Variants in PCDH15 observed in about 807,000 individuals in gnomAD.
The protein encoded by PCDH15 is protocadherin-15.
A neutral mutation model predicts 178.5 loss-of-function variants in PCDH15; 129 were observed. That is an observed-to-expected ratio of 0.72 (90% CI 0.63 to 0.84). The LOEUF (loss-of-function observed/expected upper bound fraction) is 0.84, where lower values mean the gene tolerates loss of function less well. Among genes scored for constraint, PCDH15 ranks in the 40% least tolerant of loss-of-function variants. The pLI is 0.00. For missense variants in PCDH15, 2,230 were observed against 2,099.9 expected (o/e 1.06, Z -1.21); for synonymous variants, 800 against 732.0 (o/e 1.09, Z -1.50).
intron 2 of PCDH15, among the ~76,000 whole-genome samples, chr10:54,652,928 A>C (rs2094294518): frequency 6.6e-6 from 1 of 152,208 alleles, no homozygotes; most frequent in African/African-American, 2.4e-5. Flanking sequence ...AATCTGCCTA[A>C]TCTCTGCCAC....
chr10:54,135,099 T>G (rs987560557), intron 14 of PCDH15, among the ~76,000 whole-genome samples: 1 of 151,348 alleles, frequency 6.6e-6, no homozygotes, highest in African/African-American at 2.4e-5. Flanking sequence ...CTCAGGAGTC[T>G]GAGGCAGAAG....
chr10:54,242,456 A>G (rs2055509075), intron 8 of PCDH15, among the ~76,000 whole-genome samples: 2 of 151,852 alleles, frequency 1.3e-5, no homozygotes, highest in Middle Eastern at 3.4e-3. Context: ...TATCATCCCT[A>G]ATGTTAAATG....
At position 55,602,616 on chromosome 10, in the gene PCDH15, C is replaced by A. The variant is rs562860433; in HGVS notation, c.-156+25009G>T. Among the ~76,000 whole-genome samples the A allele has an allele frequency of 4.7e-3, 708 of 152,248 alleles. 6 individuals carry two copies. The highest frequency in any genetic ancestry group is 0.016 in the African/African-American group (672 of 41,564). ...AGCAGCCTAACTGGGAGGCACCCCC[C>A]AGCAGGGGCACACTGACACCTCACA... On this transcript the variant is annotated intron_variant, in intron 2 of 5. Transcript: ENST00000613346.
chr10:53,934,994 C>T (rs1444882340), intron 25 of PCDH15, among the ~76,000 whole-genome samples: 1 of 149,650 alleles, frequency 6.7e-6, no homozygotes, highest in Non-Finnish European at 1.5e-5. Flanking sequence ...AACAGTTATA[C>T]TACATATATA....
intron 9 of PCDH15, among the ~76,000 whole-genome samples, chr10:54,228,217 T>C (rs1334183946): frequency 1.3e-5 from 2 of 152,166 alleles, no homozygotes; most frequent in Non-Finnish European, 2.9e-5. Context: ...AAAGGTTTAA[T>C]TGGACTTACA....
chr10:54,543,163 C>G (rs926582869), intron 2 of PCDH15, among the ~76,000 whole-genome samples: 2 of 152,150 alleles, frequency 1.3e-5, no homozygotes, highest in East Asian at 1.9e-4. Flanking sequence ...TCTGGCTCCC[C>G]CATTGGCTGA....
intron 2 of PCDH15, among the ~76,000 whole-genome samples, chr10:54,653,228 A>C (rs1444296880): frequency 6.6e-6 from 1 of 152,206 alleles, no homozygotes; most frequent in Non-Finnish European, 1.5e-5. Context: ...TGATGAAAAC[A>C]GCTAACAGAG....
intron 25 of PCDH15, chr10:53,905,099 T>C (rs1276764374): frequency 2.2e-5 from 11 of 500,358 alleles, no homozygotes; most frequent in Non-Finnish European, 4.4e-5. Context: ...GTCAGCCTCA[T>C]AAGCAGGTAA....
At chr10:54,729,853 G>C (rs60993215) in intron 1 of PCDH15, among the ~76,000 whole-genome samples, 18,500 of 151,310 alleles carry the variant, frequency 0.12, 1,261 homozygotes, top group African/African-American at 0.17. Context: ...CAATGAGATA[G>C]TATCTTACAA....
At chr10:53,954,665 T>A (rs192007888) in intron 23 of PCDH15, among the ~76,000 whole-genome samples, 1 of 152,216 alleles carries the variant, frequency 6.6e-6, no homozygotes, top group Non-Finnish European at 1.5e-5. Context: ...ATTCAACCTT[T>A]AGCTTGAAGT....
chr10:54,416,194 C>A (rs1277774370), intron 3 of PCDH15, among the ~76,000 whole-genome samples: 1 of 151,906 alleles, frequency 6.6e-6, no homozygotes, highest in Non-Finnish European at 1.5e-5. Context: ...ATGTGCAAAA[C>A]GTGCAGGTTT....
chr10:53,976,778 A>T (rs377641089), intron 21 of PCDH15, among the ~76,000 whole-genome samples: 1 of 151,990 alleles, frequency 6.6e-6, no homozygotes, highest in East Asian at 1.9e-4. Context: ...TGTCCCATAG[A>T]AGTGATATTT....
intron 3 of PCDH15, among the ~76,000 whole-genome samples, chr10:54,831,006 T>C (rs1268287076): frequency 6.6e-6 from 1 of 152,116 alleles, no homozygotes; most frequent in Non-Finnish European, 1.5e-5. Flanking sequence ...ATAATTTGTA[T>C]ACCTTAGCAA....
rs540014033 is a variant in PCDH15 at position 54,994,162 on chromosome 10, A to G, written c.-79-96662T>C. Among the ~76,000 whole-genome samples the G allele has an allele frequency of 5.3e-5, 8 of 152,322 alleles. No individual in the cohort carries two copies. In the South Asian group the frequency reaches 1.5e-3, roughly 28 times the overall value. On this transcript the variant is annotated intron_variant, in intron 2 of 5. Coordinates refer to the PCDH15 transcript ENST00000458638. ...AAAAAATGATGTTTTCCCTTTACTCATAAGAATATTTTATTACCGCAACCT... is the reference window on the plus strand; with the variant it reads ...AAAAAATGATGTTTTCCCTTTACTCGTAAGAATATTTTATTACCGCAACCT...
chr10:54,331,755 A>G (rs944140748), intron 6 of PCDH15, among the ~76,000 whole-genome samples: 1 of 152,068 alleles, frequency 6.6e-6, no homozygotes, highest in Non-Finnish European at 1.5e-5. Flanking sequence ...AAACTACCAC[A>G]TCTCTGGACT....
chr10:53,877,811 T>C (rs2133294581), intron 26 of PCDH15, among the ~76,000 whole-genome samples: 1 of 152,244 alleles, frequency 6.6e-6, no homozygotes, highest in Non-Finnish European at 1.5e-5. Flanking sequence ...CAGCAAGCAT[T>C]CTGATTTCTA....
chr10:55,083,530 T>C (rs1842094065), intron 2 of PCDH15, among the ~76,000 whole-genome samples: 1 of 151,860 alleles, frequency 6.6e-6, no homozygotes, highest in African/African-American at 2.4e-5. Flanking sequence ...ATGTTCACTA[T>C]TGCTATTTCC....
chr10:55,475,778 C>T (rs962850199), intron 2 of PCDH15, among the ~76,000 whole-genome samples: 12 of 152,062 alleles, frequency 7.9e-5, no homozygotes, highest in African/African-American at 2.9e-4. Flanking sequence ...ACTTTGGTCC[C>T]AAGCCTTTTG....
At chr10:55,575,309 G>C (rs1293987912) in intron 2 of PCDH15, among the ~76,000 whole-genome samples, 1 of 151,970 alleles carries the variant, frequency 6.6e-6, no homozygotes, top group African/African-American at 2.4e-5. Context: ...ACAATCAGAG[G>C]TAAAAAAAGA....
Sources: gnomAD v4.1 joint callset for allele counts (sites outside exome capture counted in the v4.1 genomes callset) on GRCh38, gnomAD v4.1.1 for gene constraint, MANE v1.5 for transcripts, NCBI Gene and HGNC (gene_info 2026-07-23, HGNC 2026-07-21) for gene names.